FKBP5: variants seen among roughly 807,000 people sequenced by gnomAD.
FKBP5 encodes the protein peptidyl-prolyl cis-trans isomerase FKBP5.
Under a neutral mutation model 50.5 loss-of-function variants are expected in FKBP5, and 23 were observed. That is an observed-to-expected ratio of 0.46 (90% CI 0.33 to 0.65). The LOEUF is 0.65. FKBP5 is among the 30% of genes least tolerant of loss of function. The probability of loss-of-function intolerance (pLI) is 0.02; values close to 1 mark genes in which losing one functional copy is unlikely to be tolerated. For synonymous variants in FKBP5, 176 were observed against 190.6 expected (o/e 0.92, Z 0.63); for missense variants, 411 against 553.1 (o/e 0.74, Z 2.58).
rs1193581108 is a variant in FKBP5 at position 35,666,862 on chromosome 6, G to A, written c.-20+21942C>T. Among the ~76,000 whole-genome samples the A allele has an allele frequency of 2.6e-5, 4 of 152,180 alleles. No homozygotes were observed. In the East Asian group the frequency reaches 5.8e-4, roughly 22 times the overall value. ...TGCACCACTGCACTCCAGCCTGGGC[G>A]ACAGAGCGAGACTCTCTCAAAAAAA... On this transcript the variant is annotated intron_variant, in intron 1 of 10. Coordinates refer to ENST00000357266, the MANE Select transcript of FKBP5 (RefSeq NM_004117.4).
intron 6 of FKBP5, 89 bp from the exon 7 acceptor site, chr6:35,591,309 T>C (rs1762814024): frequency 2.4e-6 from 2 of 836,344 alleles, no homozygotes; most frequent in Non-Finnish European, 3.9e-6. Flanking sequence ...AACAGAGCTA[T>C]CATTTGCAAG....
At chr6:35,639,156 C>T (rs1406014412) in intron 2 of FKBP5, among the ~76,000 whole-genome samples, 1 of 152,064 alleles carries the variant, frequency 6.6e-6, no homozygotes, top group East Asian at 1.9e-4. Flanking sequence ...TTTAAAAATA[C>T]GTAATAGTTA....
At chr6:35,710,547 T>C (rs1766395760) in intron 2 of FKBP5, among the ~76,000 whole-genome samples, 1 of 152,182 alleles carries the variant, frequency 6.6e-6, no homozygotes, top group South Asian at 2.1e-4. Flanking sequence ...ACTGTCATAC[T>C]TTGCTGGTGA....
chr6:35,723,908 G>A (rs1318195873), intron 1 of FKBP5, among the ~76,000 whole-genome samples: 1 of 152,226 alleles, frequency 6.6e-6, no homozygotes. Flanking sequence ...CCTGTGATAG[G>A]AAACAAAGTA....
intron 5 of FKBP5, among the ~76,000 whole-genome samples, chr6:35,601,572 C>T (rs1488673903): frequency 2.0e-5 from 3 of 152,158 alleles, no homozygotes; most frequent in African/African-American, 7.2e-5. Flanking sequence ...CTTAAAAATT[C>T]CTACCAAAAC....
chr6:35,666,157 A>C (rs1765209111), intron 1 of FKBP5, among the ~76,000 whole-genome samples: 1 of 152,072 alleles, frequency 6.6e-6, no homozygotes, highest in African/African-American at 2.4e-5. Flanking sequence ...CATTTTCAGA[A>C]GTTTAATCCT....
chr6:35,641,158 T>C (rs191157586), intron 2 of FKBP5, among the ~76,000 whole-genome samples: 1 of 152,166 alleles, frequency 6.6e-6, no homozygotes, highest in Non-Finnish European at 1.5e-5. Flanking sequence ...TTTTTAATTT[T>C]TTTTCTACAG....
rs115864896 is a variant in FKBP5, at chr6:35,634,281, C to T, written c.250+2733G>A. ...TTAGGTCACCTAAATAATGATGCCA[C>T]ACCCATTCTGGCAGCCCTGGAGGTT... is the stretch of plus-strand genomic sequence containing the variant. On this transcript the variant is annotated intron_variant, in intron 3 of 10. Coordinates refer to ENST00000357266, the MANE Select transcript of FKBP5 (RefSeq NM_004117.4). 4.2e-3 allele frequency among the ~76,000 whole-genome samples: 641 copies of T among 152,272 alleles called. 4 individuals carry two copies. Among genetic ancestry groups the T allele is most frequent in the African/African-American group, 0.014 (591 of 41,560 alleles).
intron 8 of FKBP5, chr6:35,580,704 TA>T (rs1285693161): frequency 7.8e-6 from 2 of 255,176 alleles, no homozygotes; most frequent in African/African-American, 4.6e-5. Flanking sequence ...CAAGCCCAGC[TA>T]TTTTTTTTTG....
intron 2 of FKBP5, among the ~76,000 whole-genome samples, chr6:35,637,435 C>T (rs1161693891): frequency 1.3e-5 from 2 of 149,980 alleles, no homozygotes; most frequent in Non-Finnish European, 3.0e-5. Context: ...TGGTTTAATG[C>T]CCTATATTTT....
intron 2 of FKBP5, among the ~76,000 whole-genome samples, chr6:35,719,819 T>C (rs970914873): frequency 7.9e-5 from 12 of 152,198 alleles, no homozygotes; most frequent in Admixed American, 3.3e-4. Context: ...CCCATTCTAG[T>C]GAATTGAAGG....
At chr6:35,675,379 G>A (rs1030143092) in intron 1 of FKBP5, among the ~76,000 whole-genome samples, 4 of 152,202 alleles carry the variant, frequency 2.6e-5, no homozygotes, top group African/African-American at 7.2e-5. Flanking sequence ...AGACCAGCCT[G>A]ACCAACATGG....
intron 10 of FKBP5, 36 bp downstream of exon 10, chr6:35,576,958 C>G: frequency 6.2e-7 from 1 of 1,607,140 alleles, no homozygotes; most frequent in Non-Finnish European, 8.5e-7. Context: ...TGGTCAGGCT[C>G]TTGATCCACC....
Position 35,660,538 on chromosome 6 carries a change from G to A in FKBP5, c.-19-17695C>T, listed in dbSNP as rs1765054988. 4.8e-5 allele frequency among the ~76,000 whole-genome samples: 4 copies of A among 82,674 alleles called. 2 individuals carry two copies. In the Admixed American group the frequency reaches 5.1e-4, roughly 10 times the overall value. 54.2% of individuals were successfully genotyped at this position (82,674 alleles called of 152,430 possible). A position where few individuals can be genotyped will look rare whatever the true frequency, so the allele number is the denominator to read the frequency against. ...CCGCCTCGGCCTCCCAAAGTGCTGGGATTACAGGCATGAGCTACCGCGCCT... is the reference window on the plus strand; with the variant it reads ...CCGCCTCGGCCTCCCAAAGTGCTGGAATTACAGGCATGAGCTACCGCGCCT... On this transcript the variant is annotated intron_variant, in intron 1 of 10. Coordinates refer to ENST00000357266, the MANE Select transcript of FKBP5 (RefSeq NM_004117.4).
At chr6:35,647,543 T>C (rs1355751775) in intron 1 of FKBP5, among the ~76,000 whole-genome samples, 1 of 152,208 alleles carries the variant, frequency 6.6e-6, no homozygotes, top group South Asian at 2.1e-4. Context: ...GAAGAGAAAG[T>C]TGCCTCCCAA....
intron 8 of FKBP5, chr6:35,584,721 C>T (rs1418939929): frequency 3.0e-6 from 3 of 985,290 alleles, no homozygotes; most frequent in Admixed American, 6.1e-5. Context: ...AGTCTCAGGT[C>T]AGTGGTTTTG....
intron 3 of FKBP5, among the ~76,000 whole-genome samples, chr6:35,624,426 T>C (rs758175834): frequency 1.3e-5 from 2 of 151,986 alleles, no homozygotes. Context: ...TGCTTGAACC[T>C]GGGAGCTGGA....
At chr6:35,700,984 TA>T (rs1210133840) in intron 2 of FKBP5, among the ~76,000 whole-genome samples, 4 of 151,778 alleles carry the variant, frequency 2.6e-5, no homozygotes, top group Admixed American at 2.6e-4. Context: ...AATAAATAAA[TA>T]AAAAAATTTA....
chr6:35,721,782 G>C (rs577315647), intron 1 of FKBP5, among the ~76,000 whole-genome samples: 2 of 152,218 alleles, frequency 1.3e-5, no homozygotes, highest in Non-Finnish European at 2.9e-5. Flanking sequence ...GCCAAAATGC[G>C]TACTCCCAGT....
Sources: allele counts gnomAD v4.1 joint callset (sites outside exome capture counted in the v4.1 genomes callset), GRCh38; gene constraint gnomAD v4.1.1; transcripts MANE v1.5; gene names NCBI Gene and HGNC (gene_info 2026-07-23, HGNC 2026-07-21).